PSTPIP2: variants seen among roughly 807,000 people sequenced by gnomAD.
PSTPIP2 encodes the protein proline-serine-threonine phosphatase interacting protein 2.
PSTPIP2 carries 33 observed loss-of-function variants against 63.3 expected under a neutral mutation model. The observed-to-expected ratio is 0.52, with a 90% CI of 0.40 to 0.70. The LOEUF is 0.70. Ranked by LOEUF, PSTPIP2 falls within the 30% of genes least tolerant of loss-of-function variation. The probability of loss-of-function intolerance (pLI) is 0.00; values close to 1 mark genes in which losing one functional copy is unlikely to be tolerated. For synonymous variants in PSTPIP2, 125 were observed against 132.7 expected, an observed-to-expected ratio of 0.94 and a Z score of 0.40; for missense variants, 312 against 400.7, an observed-to-expected ratio of 0.78 and a Z score of 1.89.
intron 6 of PSTPIP2, 45 bp from the exon 7 acceptor site, chr18:45,999,579 G>A (rs1474975990): frequency 1.2e-6 from 2 of 1,604,116 alleles, no homozygotes; most frequent in African/African-American, 2.7e-5. Context: ...TGAACAGAGT[G>A]TAACCATGAA....
At chr18:46,052,567 TAA>T (rs34500084) in intron 1 of PSTPIP2, among the ~76,000 whole-genome samples, 3 of 150,384 alleles carry the variant, frequency 2.0e-5, no homozygotes, top group Non-Finnish European at 3.0e-5. Context: ...AATGTTAATT[TAA>T]AAAAAAAAAC....
chr18:46,030,296 G>C (rs112919400), intron 2 of PSTPIP2, among the ~76,000 whole-genome samples: 1 of 151,974 alleles, frequency 6.6e-6, no homozygotes, highest in African/African-American at 2.4e-5. Flanking sequence ...ATGGAAAATG[G>C]CTTATAGAGC....
At chr18:46,013,173 C>T (rs997852663) in intron 4 of PSTPIP2, among the ~76,000 whole-genome samples, 8 of 152,016 alleles carry the variant, frequency 5.3e-5, no homozygotes, top group African/African-American at 9.7e-5. Context: ...ACCCAGCCTA[C>T]GCTGAGGTTT....
chr18:46,024,708 T>C, intron 2 of PSTPIP2, 22 bp from the exon 3 acceptor site: 1 of 1,586,120 alleles, frequency 6.3e-7, no homozygotes, highest in Non-Finnish European at 8.7e-7. Context: ...GAAGAGAGGG[T>C]TATGGGTCCT....
chr18:46,032,392 C>G (rs1471327040), intron 2 of PSTPIP2, among the ~76,000 whole-genome samples: 1 of 152,146 alleles, frequency 6.6e-6, no homozygotes, highest in Non-Finnish European at 1.5e-5. Context: ...AAAACCCCAA[C>G]TCCCTTTGAC....
At chr18:45,993,495 G>C in intron 10 of PSTPIP2, 110 bp downstream of exon 10, 1 of 986,970 alleles carries the variant, frequency 1.0e-6, no homozygotes, top group Non-Finnish European at 1.6e-6. Context: ...CCTTAGGCAA[G>C]TCACCTTACT....
chr18:46,018,634 G>C (rs1445711867), intron 3 of PSTPIP2, among the ~76,000 whole-genome samples: 1 of 152,106 alleles, frequency 6.6e-6, no homozygotes, highest in Admixed American at 6.6e-5. Context: ...CTCCCAAAGT[G>C]CTGGGATTTC....
At chr18:46,054,849 C>T (rs376442018) in intron 1 of PSTPIP2, among the ~76,000 whole-genome samples, 18 of 151,760 alleles carry the variant, frequency 1.2e-4, no homozygotes, top group East Asian at 7.8e-4. Context: ...TTAGTAGAAA[C>T]GGGGCTTTAC....
chr18:46,046,427 G>A (rs1908387794), intron 1 of PSTPIP2, among the ~76,000 whole-genome samples: 1 of 152,126 alleles, frequency 6.6e-6, no homozygotes, highest in South Asian at 2.1e-4. Context: ...TGGGCTCCAG[G>A]GATCAGCAGG....
At chr18:45,994,128 A>G (rs1195682279) in intron 9 of PSTPIP2, among the ~76,000 whole-genome samples, 1 of 152,198 alleles carries the variant, frequency 6.6e-6, no homozygotes, top group Non-Finnish European at 1.5e-5. Context: ...AGTACATGGG[A>G]GGCCGTGTAC....
intron 14 of PSTPIP2, 143 bp downstream of exon 14, chr18:45,988,559 A>G (rs1255681504): frequency 1.5e-6 from 1 of 666,422 alleles, no homozygotes; most frequent in African/African-American, 1.8e-5. Context: ...GGTGTCCTGA[A>G]GGGACAGCAT....
At chr18:46,025,243 T>C (rs1369579867) in intron 2 of PSTPIP2, among the ~76,000 whole-genome samples, 2 of 152,146 alleles carry the variant, frequency 1.3e-5, no homozygotes, top group Non-Finnish European at 2.9e-5. Context: ...ATATAAACCA[T>C]ACGATTAGGA....
intron 5 of PSTPIP2, among the ~76,000 whole-genome samples, chr18:46,010,373 C>T (rs1448118646): frequency 6.6e-6 from 1 of 152,220 alleles, no homozygotes; most frequent in Non-Finnish European, 1.5e-5. Flanking sequence ...CCTGGTTAGA[C>T]ATCTTTGGGT....
At chr18:46,046,108 G>A (rs1288839088) in intron 1 of PSTPIP2, among the ~76,000 whole-genome samples, 1 of 152,184 alleles carries the variant, frequency 6.6e-6, no homozygotes, top group Non-Finnish European at 1.5e-5. Context: ...CTATTCAATG[G>A]GAAAATGGTA....
intron 6 of PSTPIP2, among the ~76,000 whole-genome samples, chr18:46,000,542 GT>G (rs1336718936): frequency 6.6e-6 from 1 of 152,092 alleles, no homozygotes; most frequent in Non-Finnish European, 1.5e-5. Flanking sequence ...TGATTTTTGT[GT>G]TTTCAGTAGA....
chr18:46,024,646 G>C lies in PSTPIP2; in HGVS notation c.175C>G (p.Leu59Val), dbSNP rs1421223669. ...TGTCCACACGGCTTCTTCCTAGAGA[G>C]GTTGAGCAGATCTTTGCCATACCTC... ...EERYGKDLLN[L>V]SRKKPCGQSE... The change falls in exon 3 of 15, where the codon CTC (leucine) becomes GTC (valine). Residue 59 changes from leucine (L) to valine (V), a missense_variant. Coordinates refer to ENST00000409746, the MANE Select transcript of PSTPIP2 (RefSeq NM_024430.4). 2 of 1,614,020 alleles carry C rather than the reference G, an allele frequency of 1.2e-6. No homozygotes were observed. Among genetic ancestry groups the C allele is most frequent in the East Asian group, 4.5e-5 (2 of 44,894 alleles).
At chr18:46,009,044 A>T (rs949831618) in intron 5 of PSTPIP2, among the ~76,000 whole-genome samples, 1 of 152,090 alleles carries the variant, frequency 6.6e-6, no homozygotes, top group Non-Finnish European at 1.5e-5. Context: ...TGTAAGGCAC[A>T]TCACGCTTTA....
chr18:46,021,665 G>A (rs1403206055), intron 3 of PSTPIP2, among the ~76,000 whole-genome samples: 3 of 151,188 alleles, frequency 2.0e-5, no homozygotes, highest in Admixed American at 2.0e-4. Context: ...GAGAATTTGG[G>A]CCAGAGACGG....
chr18:46,028,934 ATGGTAATGCTGAACGTCCTTCTGCTGCT>A lies in PSTPIP2; in HGVS notation c.135-4276_135-4249del, dbSNP rs535506695. 3.4e-4 allele frequency: 476 copies of A among 1,383,978 alleles called. 2 individuals are homozygous for A. The African/African-American group carries it at 5.7e-3, about 17-fold the overall frequency. The allele number at this position is 1,383,978 out of a possible 1,614,324, so 85.7% of individuals were successfully genotyped here. On this transcript the variant is annotated intron_variant, in intron 2 of 14. Transcript: ENST00000409746. ...ATCCTGAAGATGAAGAACTGCCAGCATGGTAATGCTGAACGTCCTTCTGCTGCTCAGATCTCATCTGTGCAGTTCCGTC... is the reference window on the plus strand; with the variant it reads ...ATCCTGAAGATGAAGAACTGCCAGCACAGATCTCATCTGTGCAGTTCCGTC...
Sources: gnomAD v4.1 joint callset for allele counts (sites outside exome capture counted in the v4.1 genomes callset) on GRCh38, gnomAD v4.1.1 for gene constraint, MANE v1.5 for transcripts, NCBI Gene and HGNC (gene_info 2026-07-23, HGNC 2026-07-21) for gene names.